ADAP1: variants seen among roughly 807,000 people sequenced by gnomAD.
ADAP1 encodes the protein ArfGAP with dual PH domains 1.
In ADAP1, 31 loss-of-function variants were observed where a neutral mutation model predicts 54.9. That is an observed-to-expected ratio of 0.56 (90% CI 0.42 to 0.76). The LOEUF (loss-of-function observed/expected upper bound fraction) is 0.76. Ranked by LOEUF, ADAP1 falls within the 30% of genes least tolerant of loss-of-function variation. The pLI is 0.00. For missense variants in ADAP1, 535 were observed against 512.4 expected (o/e 1.04, Z -0.42); for synonymous variants, 313 against 202.6 (o/e 1.55, Z -4.63).
At chr7:927,391 G>A (rs761771797) in intron 2 of ADAP1, 106 of 541,380 alleles carry the variant, frequency 2.0e-4, no homozygotes, top group Middle Eastern at 3.2e-4. Flanking sequence ...AGGAGGGGCC[G>A]CCACACCCCA....
chr7:931,183 G>A (rs1846566055), intron 2 of ADAP1, among the ~76,000 whole-genome samples: 1 of 152,122 alleles, frequency 6.6e-6, no homozygotes, highest in Non-Finnish European at 1.5e-5. Flanking sequence ...GGCCCACACA[G>A]ACCCCTGGCT....
intron 4 of ADAP1, 136 bp from the exon 5 acceptor site, chr7:905,308 C>CAGGGGGAGACGGGCGGGGAGAGG (rs1562911273): frequency 2.6e-6 from 1 of 390,206 alleles, no homozygotes; most frequent in Non-Finnish European, 4.6e-6. Context: ...CAGGGGGAGA[C>CAGGGGGAGACGGGCGGGGAGAGG]GGACGGGGAG....
At chr7:909,546 C>G (rs1488885080) in intron 4 of ADAP1, among the ~76,000 whole-genome samples, 1 of 152,240 alleles carries the variant, frequency 6.6e-6, no homozygotes, top group Non-Finnish European at 1.5e-5. Context: ...GTCCAGACCT[C>G]AGGCTGAGCC....
chr7:904,745 G>A (rs1261773619), intron 5 of ADAP1, among the ~76,000 whole-genome samples: 1 of 152,228 alleles, frequency 6.6e-6, no homozygotes, highest in Non-Finnish European at 1.5e-5. Context: ...AAAACTAGGG[G>A]CTTTCTGGGG....
rs377158085 is a variant in ADAP1 at position 899,079 on chromosome 7, G to A, written c.1050C>T (p.Ala350=). 3.7e-6 allele frequency: 6 copies of A among 1,608,082 alleles called. No homozygotes were observed. Among genetic ancestry groups the A allele is most frequent in the Middle Eastern group, 1.6e-4 (1 of 6,084 alleles). The change falls in exon 10 of 11, where the codon GCC becomes GCT. Residue 350 remains alanine, a synonymous_variant. Transcript: ENST00000265846. ...TGGGCCTGTCCACCGCCTTCTGGAA[G>A]GCCGCCACCCACTCCCTCTGGTCGG... ...TESDQREWVA[A]FQKAVDRPML...
chr7:935,196 G>T, intron 2 of ADAP1, 179 bp downstream of exon 2: 1 of 873,932 alleles, frequency 1.1e-6, no homozygotes, highest in Non-Finnish European at 1.9e-6. Context: ...GGGTGGAGCA[G>T]CCACACAGGC....
Position 938,751 on chromosome 7 carries a change from G to A in ADAP1, c.83-3246C>T, listed in dbSNP as rs766646027. On this transcript the variant is annotated intron_variant, in intron 1 of 10. Coordinates refer to ENST00000265846, the MANE Select transcript of ADAP1 (RefSeq NM_006869.4). The surrounding 1 kb of genome is among the most constrained non-coding windows in gnomAD (Gnocchi z 4.4). The stretch of plus-strand genomic sequence containing the variant: ...CATGAGCCCAGCTGGGAACATCACC[G>A]CTCGGGGTGCAGTGGGGGGCCCTCC... Among the ~76,000 whole-genome samples, 10 of 152,176 alleles carry A rather than the reference G, an allele frequency of 6.6e-5. No individual in the cohort carries two copies. Among genetic ancestry groups the A allele is most frequent in the African/African-American group, 1.2e-4 (5 of 41,430 alleles).
chr7:915,969 C>G (rs1489750108), intron 4 of ADAP1, among the ~76,000 whole-genome samples: 1 of 152,202 alleles, frequency 6.6e-6, no homozygotes, highest in Non-Finnish European at 1.5e-5. Flanking sequence ...CCCACGCCCA[C>G]TGCCCACGAG....
At chr7:939,262 C>T (rs1846870096) in intron 1 of ADAP1, among the ~76,000 whole-genome samples, 1 of 152,060 alleles carries the variant, frequency 6.6e-6, no homozygotes, top group African/African-American at 2.4e-5. Flanking sequence ...TCTTGTTGTC[C>T]AGGCTGGAGT....
intron 6 of ADAP1, 68 bp from the exon 7 acceptor site, chr7:900,684 TGGGGTCCCCACAGAGGGGCC>T: frequency 7.5e-7 from 1 of 1,341,664 alleles, no homozygotes; most frequent in East Asian, 2.4e-5. Flanking sequence ...ACAGAGGGGC[TGGGGTCCCCACAGAGGGGCC>T]GCTTCCCCCA....
intron 6 of ADAP1, among the ~76,000 whole-genome samples, chr7:901,569 A>C (rs1013231148): frequency 6.6e-6 from 1 of 152,104 alleles, no homozygotes. Flanking sequence ...AGGATGGTGT[A>C]GCCCCAGGCT....
At position 924,126 on chromosome 7, in the gene ADAP1, A is replaced by G. The variant is rs1470765741; in HGVS notation, c.305+2427T>C. On this transcript the variant is annotated intron_variant, in intron 3 of 10. Transcript: ENST00000265846. ...GGGTTACACTGCAGGTCCACGCTGC[A>G]CCCCCCGCCCTCCGGGTTACACTGC... Among the ~76,000 whole-genome samples the G allele has an allele frequency of 5.5e-3, 140 of 25,456 alleles. 1 individual carries two copies. The highest frequency in any genetic ancestry group is 0.034 in the East Asian group (37 of 1,098). The allele number at this position is 25,456 out of a possible 152,430, so 16.7% of individuals were successfully genotyped here.
intron 3 of ADAP1, among the ~76,000 whole-genome samples, chr7:921,670 C>CT (rs1047903681): frequency 1.3e-5 from 2 of 152,198 alleles, no homozygotes; most frequent in Admixed American, 1.3e-4. Context: ...TTTAACACGT[C>CT]TTTTCGGGGG....
At chr7:924,657 C>T (rs1846322007) in intron 3 of ADAP1, among the ~76,000 whole-genome samples, 1 of 151,100 alleles carries the variant, frequency 6.6e-6, no homozygotes, top group Admixed American at 6.6e-5. Context: ...CACCCCACCC[C>T]AGATAGTGGG....
At chr7:900,071 C>A in intron 8 of ADAP1, 31 bp downstream of exon 8, 1 of 1,611,716 alleles carries the variant, frequency 6.2e-7, no homozygotes, top group Non-Finnish European at 8.5e-7. Flanking sequence ...GTACCCCAGG[C>A]CACCCCAGGC....
In ADAP1 at chr7:926,555, G is replaced by A. The variant is rs1329669373; in HGVS notation, c.303C>T (p.Cys101=). 2.6e-6 allele frequency: 4 copies of A among 1,535,368 alleles called. No homozygotes were observed. The East Asian group carries it at 7.6e-5, about 29-fold the overall frequency. The change falls in exon 3 of 11, where the codon TGC becomes TGT. Residue 101 remains cysteine (C), a splice_region_variant and synonymous_variant. Coordinates refer to ENST00000265846, the MANE Select transcript of ADAP1 (RefSeq NM_006869.4). This position sits in a 1 kb window ranked among gnomAD's most constrained non-coding sequence, Gnocchi z 4.6. ...TGACAAGGCCCCTTTGTACTCACTG[G>A]CAGTCGGAGGGCGTGGGCCGGTAGT... The part of the protein sequence containing the change: ...SFYYRPTPSD[C]QLLREQWIRA...
upstream of ADAP1, chr7:955,175 G>A: frequency 2.3e-6 from 2 of 872,074 alleles, no homozygotes; most frequent in Non-Finnish European, 3.6e-6. Flanking sequence ...CCACCCAGCC[G>A]CCCACCACCC....
At chr7:919,573 T>A (rs904820966) in intron 4 of ADAP1, among the ~76,000 whole-genome samples, 2 of 138,816 alleles carry the variant, frequency 1.4e-5, no homozygotes, top group African/African-American at 5.5e-5. Context: ...AGAGAGAGGA[T>A]GAGATAGACG....
intron 2 of ADAP1, among the ~76,000 whole-genome samples, chr7:930,101 C>CAAAAA (rs1170304660): frequency 1.5e-4 from 5 of 33,280 alleles, no homozygotes; most frequent in African/African-American, 5.2e-4. Flanking sequence ...AAGACTGTCT[C>CAAAAA]AAAAAAAAAA....
Sources: allele counts gnomAD v4.1 joint callset (sites outside exome capture counted in the v4.1 genomes callset), GRCh38; gene constraint gnomAD v4.1.1; non-coding constraint Gnocchi (gnomAD v3.1); transcripts MANE v1.5; gene names NCBI Gene and HGNC (gene_info 2026-07-23, HGNC 2026-07-21).